Variants in EPHA6 observed in about 807,000 individuals in gnomAD.
EPHA6 encodes EPH receptor A6.
EPHA6 carries 50 observed loss-of-function variants against 112.0 expected under a neutral mutation model. The ratio of observed to expected loss-of-function variants is 0.45; its 90% CI spans 0.36 to 0.56. EPHA6 has a LOEUF of 0.56. EPHA6 is among the 20% of genes least tolerant of loss of function. The probability of loss-of-function intolerance (pLI) is 0.00; values close to 1 mark genes in which losing one functional copy is unlikely to be tolerated. For missense variants in EPHA6, 1,280 were observed against 1,417.4 expected, an observed-to-expected ratio of 0.90 and a Z score of 1.56; for synonymous variants, 529 against 490.7, an observed-to-expected ratio of 1.08 and a Z score of -1.03.
intron 15 of EPHA6, among the ~76,000 whole-genome samples, chr3:97,723,489 A>C (rs987574156): frequency 6.6e-6 from 1 of 152,214 alleles, no homozygotes; most frequent in Non-Finnish European, 1.5e-5. Flanking sequence ...TGCTGCAGCC[A>C]GGAATAGAGT....
At chr3:97,297,451 G>A (rs2080913412) in intron 5 of EPHA6, among the ~76,000 whole-genome samples, 1 of 152,034 alleles carries the variant, frequency 6.6e-6, no homozygotes. Flanking sequence ...CAATTTTTAG[G>A]TGAATCTCTT....
chr3:97,655,626 C>A (rs939176442), intron 14 of EPHA6, among the ~76,000 whole-genome samples: 3 of 151,606 alleles, frequency 2.0e-5, no homozygotes, highest in Admixed American at 1.3e-4. Flanking sequence ...GATTTATAGT[C>A]CTTTGGGTAT....
chr3:97,074,640 T>G, intron 3 of EPHA6, among the ~76,000 whole-genome samples: 1 of 152,144 alleles, frequency 6.6e-6, no homozygotes, highest in East Asian at 1.9e-4. Flanking sequence ...CATAAAATTT[T>G]GATTTTAATT....
chr3:96,981,453 A>G (rs980132158), intron 2 of EPHA6, among the ~76,000 whole-genome samples: 16 of 152,300 alleles, frequency 1.1e-4, no homozygotes, highest in Non-Finnish European at 1.9e-4. Context: ...TTGTTTTGCC[A>G]GGATTTTATT....
In EPHA6 at chr3:97,160,944, G is replaced by A. The variant is rs372517629; in HGVS notation, c.1115-65320G>A. Among the ~76,000 whole-genome samples, 88 of 152,198 alleles carry A rather than the reference G, an allele frequency of 5.8e-4. 1 individual carries two copies. In the South Asian group the frequency reaches 0.018, roughly 31 times the overall value. The stretch of plus-strand genomic sequence containing the variant: ...TTCTTTTGTTTCAACCAAATGTAGG[G>A]ACTCCCTGCCCATGAGGCCATAGGT... On this transcript the variant is annotated intron_variant, in intron 3 of 17. Transcript: ENST00000389672.
At chr3:97,288,344 T>G (rs1053115437) in intron 5 of EPHA6, among the ~76,000 whole-genome samples, 3 of 152,208 alleles carry the variant, frequency 2.0e-5, no homozygotes, top group Admixed American at 6.5e-5. Flanking sequence ...ATATTTAATT[T>G]TCCTTTCCTG....
At chr3:97,021,938 T>C (rs1306270586) in intron 3 of EPHA6, among the ~76,000 whole-genome samples, 1 of 152,178 alleles carries the variant, frequency 6.6e-6, no homozygotes, top group Non-Finnish European at 1.5e-5. Context: ...TGGAGAGTTC[T>C]CCCTCAACTA....
At chr3:97,140,036 C>T (rs946823794) in intron 3 of EPHA6, among the ~76,000 whole-genome samples, 1 of 151,852 alleles carries the variant, frequency 6.6e-6, no homozygotes, top group Non-Finnish European at 1.5e-5. Flanking sequence ...GAAAAATTCA[C>T]TGAGGGAACT....
intron 3 of EPHA6, among the ~76,000 whole-genome samples, chr3:96,989,074 T>G (rs2043125130): frequency 6.6e-6 from 1 of 152,166 alleles, no homozygotes; most frequent in Admixed American, 6.6e-5. Context: ...TGATAACTTC[T>G]TAAGAGGGTG....
chr3:97,598,162 ATT>A (rs529118021), intron 12 of EPHA6, among the ~76,000 whole-genome samples: 3 of 150,358 alleles, frequency 2.0e-5, no homozygotes, highest in African/African-American at 7.3e-5. Flanking sequence ...TTATTTATTT[ATT>A]TTTTTTGGAG....
intron 14 of EPHA6, among the ~76,000 whole-genome samples, chr3:97,659,328 A>G (rs1189219532): frequency 6.6e-6 from 1 of 152,014 alleles, no homozygotes; most frequent in Non-Finnish European, 1.5e-5. Context: ...TTACATGGAA[A>G]AGAGAATAAA....
At chr3:97,626,562 A>G (rs1014835747) in intron 13 of EPHA6, among the ~76,000 whole-genome samples, 1 of 151,732 alleles carries the variant, frequency 6.6e-6, no homozygotes, top group Admixed American at 6.6e-5. Flanking sequence ...GGAAATAAAG[A>G]GTCTAATAGA....
chr3:97,640,906 T>C (rs1347899348), intron 14 of EPHA6, among the ~76,000 whole-genome samples: 4 of 152,190 alleles, frequency 2.6e-5, no homozygotes, highest in Non-Finnish European at 5.9e-5. Context: ...GTTATATGAC[T>C]TTAATTAGGG....
rs1166757735 is a variant in EPHA6, at chr3:97,755,429, C to G, written c.*6728C>G. Reference sequence around the variant, plus strand: ...TTAATTTGTCATAATAAACTCATTTCTGGTTAGATAATAAGTTATAATCTC... The same window carrying G: ...TTAATTTGTCATAATAAACTCATTTGTGGTTAGATAATAAGTTATAATCTC... On this transcript the variant is annotated 3_prime_UTR_variant, in exon 18 of 18. Coordinates refer to ENST00000389672, the MANE Select transcript of EPHA6 (RefSeq NM_001080448.3). Among the ~76,000 whole-genome samples the G allele has an allele frequency of 3.1e-4, 47 of 152,072 alleles. No individual in the cohort carries two copies. The highest frequency in any genetic ancestry group is 3.1e-3 in the Admixed American group (47 of 15,268).
intron 12 of EPHA6, among the ~76,000 whole-genome samples, chr3:97,593,252 A>G (rs1449622473): frequency 6.6e-6 from 1 of 152,236 alleles, no homozygotes; most frequent in African/African-American, 2.4e-5. Flanking sequence ...AAAAATGCCA[A>G]TCTGACCAAA....
intron 3 of EPHA6, among the ~76,000 whole-genome samples, chr3:97,042,027 G>T (rs531385077): frequency 6.6e-6 from 1 of 152,204 alleles, no homozygotes; most frequent in Admixed American, 6.5e-5. Context: ...CTAGAGATAT[G>T]TCATAGTTGT....
chr3:97,255,242 T>A (rs1452949468), intron 5 of EPHA6, among the ~76,000 whole-genome samples: 1 of 151,722 alleles, frequency 6.6e-6, no homozygotes, highest in Non-Finnish European at 1.5e-5. Context: ...AAACGTTAGG[T>A]TCCAGAGGAG....
intron 5 of EPHA6, among the ~76,000 whole-genome samples, chr3:97,341,087 G>T (rs1220672599): frequency 6.6e-6 from 1 of 152,186 alleles, no homozygotes; most frequent in Non-Finnish European, 1.5e-5. Flanking sequence ...CTGGCCAGAG[G>T]CCGAGTAGGT....
intron 2 of EPHA6, among the ~76,000 whole-genome samples, chr3:96,904,304 A>G (rs976877370): frequency 1.6e-4 from 25 of 151,928 alleles, no homozygotes; most frequent in Middle Eastern, 3.4e-3. Context: ...CATGTCCTTT[A>G]TAGGGACATG....
Sources: gnomAD v4.1 joint callset for allele counts (sites outside exome capture counted in the v4.1 genomes callset) on GRCh38, gnomAD v4.1.1 for gene constraint, MANE v1.5 for transcripts, NCBI Gene and HGNC (gene_info 2026-07-23, HGNC 2026-07-21) for gene names.